Variants in BTG4 observed in about 807,000 individuals in gnomAD.
The protein encoded by BTG4 is BTG anti-proliferation factor 4, also known as protein BTG4.
BTG4 carries 10 observed loss-of-function variants against 19.3 expected under a neutral mutation model. The observed-to-expected ratio is 0.52, with a 90% CI of 0.32 to 0.88. BTG4 has a LOEUF of 0.88. Ranked by LOEUF, BTG4 falls within the 40% of genes least tolerant of loss-of-function variation. The pLI, the probability that BTG4 is intolerant of heterozygous loss-of-function variation, is 0.04. For synonymous variants in BTG4, 91 were observed against 95.7 expected (o/e 0.95, Z 0.29); for missense variants, 238 against 281.9 (o/e 0.84, Z 1.11).
the BTG4 span, among the ~76,000 whole-genome samples, chr11:111,438,514 C>T: frequency 6.6e-6 from 1 of 152,206 alleles, no homozygotes; most frequent in Non-Finnish European, 1.5e-5. Context: ...TCCCCCAGCG[C>T]TTACCAAATG....
At chr11:111,385,511 C>T in the BTG4 span, 1 of 151,848 alleles carries the variant, frequency 6.6e-6, no homozygotes, top group African/African-American at 2.4e-5. Flanking sequence ...ATTCAAAAAT[C>T]CTGAACAAAA....
chr11:111,395,059 C>G, the BTG4 span, among the ~76,000 whole-genome samples: 7 of 152,250 alleles, frequency 4.6e-5, no homozygotes, highest in African/African-American at 1.7e-4. Flanking sequence ...GCCAAATGGC[C>G]TGAAAATAGT....
chr11:111,511,129 A>G (rs909834121), intron 1 of BTG4, among the ~76,000 whole-genome samples: 6 of 152,250 alleles, frequency 3.9e-5, no homozygotes, highest in Non-Finnish European at 8.8e-5. Context: ...CCTCACAAAG[A>G]TAAGATGAAT....
At chr11:111,504,537 A>G (rs536362688) in intron 1 of BTG4, among the ~76,000 whole-genome samples, 1 of 152,210 alleles carries the variant, frequency 6.6e-6, no homozygotes, top group East Asian at 1.9e-4. Context: ...AAAGACCACA[A>G]AAAATACATA....
the BTG4 span, among the ~76,000 whole-genome samples, chr11:111,428,514 C>T: frequency 2.0e-5 from 3 of 152,200 alleles, no homozygotes; most frequent in Admixed American, 2.0e-4. Context: ...TTGGGCCACA[C>T]AGTCATCTCC....
the BTG4 span, among the ~76,000 whole-genome samples, chr11:111,423,208 T>G: frequency 1.3e-5 from 2 of 152,124 alleles, no homozygotes; most frequent in African/African-American, 4.8e-5. Flanking sequence ...CTCCCCCTAC[T>G]GAGAGCTCGC....
chr11:111,503,027 T>G (rs542660119), intron 1 of BTG4, among the ~76,000 whole-genome samples: 1 of 152,326 alleles, frequency 6.6e-6, no homozygotes, highest in South Asian at 2.1e-4. Flanking sequence ...AGTGACTATT[T>G]ACTGACCACC....
the BTG4 span, among the ~76,000 whole-genome samples, chr11:111,415,704 C>T: frequency 6.6e-4 from 101 of 152,136 alleles, no homozygotes; most frequent in Non-Finnish European, 9.7e-4. Flanking sequence ...GCTGGGCCTA[C>T]GGGGTGGGGG....
the BTG4 span, among the ~76,000 whole-genome samples, chr11:111,452,850 G>A: frequency 1.3e-5 from 2 of 152,188 alleles, no homozygotes; most frequent in African/African-American, 4.8e-5. Context: ...TTCCGGAAGA[G>A]TTGATGCCTG....
downstream of BTG4, among the ~76,000 whole-genome samples, chr11:111,464,229 C>T (rs1863589081): frequency 6.6e-6 from 1 of 152,174 alleles, no homozygotes; most frequent in African/African-American, 2.4e-5. Flanking sequence ...GAACTCCTGA[C>T]CTCAAGTGAT....
At chr11:111,430,365 C>T in the BTG4 span, among the ~76,000 whole-genome samples, 1 of 152,192 alleles carries the variant, frequency 6.6e-6, no homozygotes, top group Non-Finnish European at 1.5e-5. Context: ...CTTGACTAGC[C>T]TTCCACTGAA....
At chr11:111,490,162 AC>A (rs1215671941), downstream of BTG4, among the ~76,000 whole-genome samples, 1 of 151,474 alleles carries the variant, frequency 6.6e-6, no homozygotes, top group African/African-American at 2.4e-5. Context: ...GGCACGTGCT[AC>A]TCGGGAGGCT....
the BTG4 span, among the ~76,000 whole-genome samples, chr11:111,407,755 C>G: frequency 1.3e-5 from 2 of 152,244 alleles, no homozygotes. Context: ...TCCCAAAACA[C>G]TACGAGCAGA....
At chr11:111,461,447 A>G in the BTG4 span, among the ~76,000 whole-genome samples, 3 of 152,252 alleles carry the variant, frequency 2.0e-5, no homozygotes, top group East Asian at 5.8e-4. Flanking sequence ...AAGAAAATGT[A>G]TGGTTATTTT....
the BTG4 span, chr11:111,415,890 A>G: frequency 0.24 from 37,074 of 151,932 alleles, 5,117 homozygotes; most frequent in Admixed American, 0.34. Flanking sequence ...AATCAAGAAA[A>G]AAAAATAGCT....
intron 5 of BTG4, chr11:111,470,062 C>T (rs1863968067): frequency 6.6e-6 from 1 of 152,592 alleles, no homozygotes; most frequent in Admixed American, 6.5e-5. Flanking sequence ...TCAGTGTATT[C>T]AGATATTTCT....
rs1865871824 is a variant in BTG4 at position 111,498,453 on chromosome 11, C to T, written c.173+151G>A. 4.2e-6 allele frequency: 3 copies of T among 707,108 alleles called. No individual in the cohort carries two copies. In the African/African-American group the frequency reaches 5.4e-5, roughly 13 times the overall value. 43.8% of individuals were successfully genotyped at this position (707,108 alleles called of 1,614,324 possible). Reference sequence around the variant, plus strand: ...AGCCACAGTGTCATCTACTATGTCTCCTCCTTTCAATTCCACGTTCAAACA... The same window carrying T: ...AGCCACAGTGTCATCTACTATGTCTTCTCCTTTCAATTCCACGTTCAAACA... On this transcript the variant is annotated intron_variant, in intron 2 of 4. Coordinates refer to ENST00000692032, the MANE Select transcript of BTG4 (RefSeq NM_001367975.1).
the BTG4 span, chr11:111,460,484 G>A: frequency 6.6e-6 from 1 of 152,494 alleles, no homozygotes; most frequent in South Asian, 2.1e-4. Context: ...AGGACAACTA[G>A]ATAGGGCTCC....
the BTG4 span, among the ~76,000 whole-genome samples, chr11:111,397,381 A>G: frequency 6.6e-6 from 1 of 151,916 alleles, no homozygotes; most frequent in Admixed American, 6.6e-5. Context: ...ATATTCCCCC[A>G]CACTTTCTAG....
Sources: gnomAD v4.1 joint callset for allele counts (sites outside exome capture counted in the v4.1 genomes callset) on GRCh38, gnomAD v4.1.1 for gene constraint, MANE v1.5 for transcripts, NCBI Gene and HGNC (gene_info 2026-07-23, HGNC 2026-07-21) for gene names.